GABBR2: variants seen among roughly 807,000 people sequenced by gnomAD.
The protein encoded by GABBR2 is G-protein coupled receptor 51.
A neutral mutation model predicts 105.6 loss-of-function variants in GABBR2; 23 were observed. That is an observed-to-expected ratio of 0.22 (90% CI 0.16 to 0.31). GABBR2 has a LOEUF of 0.31. Ranked by LOEUF, GABBR2 falls within the 10% of genes least tolerant of loss-of-function variation. GABBR2 has a pLI of 1.00. For missense variants in GABBR2, 734 were observed against 1,245.5 expected (o/e 0.59, Z 6.18); for synonymous variants, 478 against 499.7 (o/e 0.96, Z 0.58).
At chr9:98,317,191 AC>A (rs1197458404) in intron 13 of GABBR2, among the ~76,000 whole-genome samples, 1 of 152,198 alleles carries the variant, frequency 6.6e-6, no homozygotes, top group African/African-American at 2.4e-5. Context: ...CTGGCAGGGC[AC>A]CGTGTCCAGC....
intron 6 of GABBR2, among the ~76,000 whole-genome samples, chr9:98,468,146 A>G (rs900588856): frequency 5.9e-5 from 9 of 152,166 alleles, no homozygotes; most frequent in African/African-American, 2.2e-4. Context: ...GTCCCAACGC[A>G]GGACAGTCCA....
At chr9:98,453,860 T>A in intron 7 of GABBR2, 121 bp downstream of exon 7, 1 of 754,384 alleles carries the variant, frequency 1.3e-6, no homozygotes, top group Non-Finnish European at 2.3e-6. Context: ...GGGCCTGCAA[T>A]TAGTTATTTC....
intron 7 of GABBR2, among the ~76,000 whole-genome samples, chr9:98,441,621 C>A (rs753163299): frequency 2.0e-5 from 3 of 152,194 alleles, no homozygotes; most frequent in Non-Finnish European, 4.4e-5. Context: ...CCTGCCTTGG[C>A]CTCCCAAAGT....
intron 9 of GABBR2, among the ~76,000 whole-genome samples, chr9:98,390,553 A>T (rs1832162327): frequency 6.6e-6 from 1 of 152,026 alleles, no homozygotes; most frequent in Non-Finnish European, 1.5e-5. Flanking sequence ...TTATAAGAAA[A>T]GTGGCATCAA....
intron 1 of GABBR2, among the ~76,000 whole-genome samples, chr9:98,706,048 C>A (rs1354955796): frequency 6.6e-6 from 1 of 151,358 alleles, no homozygotes; most frequent in African/African-American, 2.4e-5. Context: ...TGCACTCCAG[C>A]CTGGGCAACA....
chr9:98,483,251 G>T (rs925561506), intron 4 of GABBR2, among the ~76,000 whole-genome samples: 36 of 152,090 alleles, frequency 2.4e-4, no homozygotes, highest in African/African-American at 8.2e-4. Flanking sequence ...GGTTCTGTCT[G>T]CTCACAACTA....
rs527447970 is a variant in GABBR2, at chr9:98,623,237, C to T, written c.322-45165G>A. Among the ~76,000 whole-genome samples, 10 of 152,286 alleles carry T rather than the reference C, an allele frequency of 6.6e-5. No homozygotes were observed. The South Asian group carries it at 1.9e-3, about 28-fold the overall frequency. Reference sequence around the variant, plus strand: ...TGCAGGAGTTCAAGACCAGCCTGGGCAACACGGTAAAACCCTGTCTCTACA... The same window carrying T: ...TGCAGGAGTTCAAGACCAGCCTGGGTAACACGGTAAAACCCTGTCTCTACA... On this transcript the variant is annotated intron_variant, in intron 1 of 18. Coordinates refer to ENST00000259455, the MANE Select transcript of GABBR2 (RefSeq NM_005458.8).
intron 4 of GABBR2, among the ~76,000 whole-genome samples, chr9:98,494,805 G>C (rs1433845939): frequency 5.9e-5 from 9 of 152,204 alleles, no homozygotes; most frequent in Admixed American, 5.2e-4. Context: ...ACTTCTGTTG[G>C]AGTTGGCTGG....
chr9:98,481,155 C>T (rs1826915277), intron 4 of GABBR2, among the ~76,000 whole-genome samples, 158 bp from the exon 5 acceptor site: 1 of 152,210 alleles, frequency 6.6e-6, no homozygotes, highest in South Asian at 2.1e-4. Context: ...AACCCCAGCC[C>T]AGCCTGGATT....
rs116796940 is a variant in GABBR2 at position 98,588,966 on chromosome 9, C to T, written c.322-10894G>A. Among the ~76,000 whole-genome samples the T allele has an allele frequency of 2.3e-3, 348 of 152,328 alleles. 2 individuals are homozygous for T. Among genetic ancestry groups the T allele is most frequent in the African/African-American group, 7.9e-3 (329 of 41,574 alleles). ...CCTGGAAGGGGACACCACTATGTCA[C>T]GAGAGAAACCATCCCAAGGAGGGCA... On this transcript the variant is annotated intron_variant, in intron 1 of 18. Transcript: ENST00000259455.
At position 98,473,314 on chromosome 9, in the gene GABBR2, A is replaced by G. The variant is rs564869712; in HGVS notation, c.831T>C (p.Tyr277=). ...CGTACCAGCCCGGAATGATCCACTG[A>G]TATTTACTACCATACATGTTCTCCT... ...AYEENMYGSK[Y]QWIIPGWYEP... is the part of the protein sequence containing the mutation. Residue 277 remains tyrosine, a synonymous_variant, in exon 6 of 19, where the codon TAT becomes TAC. Transcript: ENST00000259455. The G allele has an allele frequency of 6.8e-6, 11 of 1,613,188 alleles. No homozygotes were observed. Among genetic ancestry groups the G allele is most frequent in the African/African-American group, 1.3e-5 (1 of 74,780 alleles).
At chr9:98,336,971 T>C (rs1831126814) in intron 13 of GABBR2, among the ~76,000 whole-genome samples, 2 of 152,074 alleles carry the variant, frequency 1.3e-5, no homozygotes, top group African/African-American at 2.4e-5. Context: ...AACTCTCTAT[T>C]TGCAAATTAT....
intron 16 of GABBR2, among the ~76,000 whole-genome samples, chr9:98,299,563 G>A (rs1028672343): frequency 2.6e-5 from 4 of 152,186 alleles, no homozygotes; most frequent in Admixed American, 6.5e-5. Flanking sequence ...GAGGGACCTG[G>A]GCTTTGCAAT....
At chr9:98,653,900 T>G (rs1278337245) in intron 1 of GABBR2, among the ~76,000 whole-genome samples, 3 of 152,182 alleles carry the variant, frequency 2.0e-5, no homozygotes, top group Non-Finnish European at 4.4e-5. Context: ...TTTTCATGCT[T>G]CATTTCTCTG....
chr9:98,533,144 C>T (rs1055873538), intron 3 of GABBR2, among the ~76,000 whole-genome samples: 30 of 152,222 alleles, frequency 2.0e-4, no homozygotes, highest in African/African-American at 2.4e-4. Context: ...CCCTTTGCAA[C>T]GATCCCCCCT....
intron 7 of GABBR2, among the ~76,000 whole-genome samples, chr9:98,440,570 C>T (rs1415717428): frequency 1.3e-5 from 2 of 152,090 alleles, no homozygotes; most frequent in Non-Finnish European, 2.9e-5. Flanking sequence ...TTTAAAATTA[C>T]TGGTTTAGGC....
intron 1 of GABBR2, among the ~76,000 whole-genome samples, chr9:98,610,453 C>T (rs1829489966): frequency 6.6e-6 from 1 of 152,194 alleles, no homozygotes; most frequent in African/African-American, 2.4e-5. Flanking sequence ...ACTGTGAATG[C>T]TGCCTTATAT....
intron 1 of GABBR2, among the ~76,000 whole-genome samples, chr9:98,635,273 C>CTGAGGTTGGG (rs1334320330): frequency 6.6e-6 from 1 of 152,174 alleles, no homozygotes; most frequent in African/African-American, 2.4e-5. Flanking sequence ...GGGACAGCCA[C>CTGAGGTTGGG]TGAGGTTGGG....
chr9:98,665,276 ATCTCTC>A (rs55873825), intron 1 of GABBR2, among the ~76,000 whole-genome samples: 278 of 147,814 alleles, frequency 1.9e-3, no homozygotes, highest in Middle Eastern at 3.4e-3. Flanking sequence ...CTCTCTCTCA[ATCTCTC>A]TCTCTCTCTC....
Sources: gnomAD v4.1 joint callset for allele counts (sites outside exome capture counted in the v4.1 genomes callset) on GRCh38, gnomAD v4.1.1 for gene constraint, MANE v1.5 for transcripts, NCBI Gene and HGNC (gene_info 2026-07-23, HGNC 2026-07-21) for gene names.